The following CDK6 variants were observed in gnomAD, a reference collection of about 807,000 sequenced individuals.
CDK6 encodes the protein cyclin dependent kinase 6.
Under a neutral mutation model 37.1 loss-of-function variants are expected in CDK6, and 6 were observed. That is an observed-to-expected ratio of 0.16 (90% confidence interval 0.09 to 0.32). The LOEUF (loss-of-function observed/expected upper bound fraction) is 0.32. CDK6 is among the 10% of genes least tolerant of loss of function. CDK6 has a pLI of 1.00. For missense variants in CDK6, 224 were observed against 418.9 expected, an observed-to-expected ratio of 0.53 and a Z score of 4.06; for synonymous variants, 160 against 161.3, an observed-to-expected ratio of 0.99 and a Z score of 0.06.
In CDK6 at chr7:92,835,578, G is replaced by T. The variant is rs1801640740; in HGVS notation, c.-368+900C>A. ...TGCTTCAACATTTCCGCATTCCTCC[G>T]CGACTACAAAGGCTGCAGCCGCCTC... is the stretch of plus-strand genomic sequence containing the variant. On this transcript the variant is annotated intron_variant, in intron 1 of 7. Coordinates refer to ENST00000424848, the MANE Select transcript of CDK6 (RefSeq NM_001145306.2). The surrounding 1 kb of genome is among the most constrained non-coding windows in gnomAD (Gnocchi z 4.2). Among the ~76,000 whole-genome samples, 2 of 152,094 alleles carry T rather than the reference G, an allele frequency of 1.3e-5. No individual in the cohort carries two copies. Among genetic ancestry groups the T allele is most frequent in the Non-Finnish European group, 1.5e-5 (1 of 68,026 alleles).
rs1801577638 is a variant in CDK6 at position 92,834,056 on chromosome 7, C to T, written c.-367-366G>A. 2 of 395,260 alleles carry T rather than the reference C, an allele frequency of 5.1e-6. No individual in the cohort carries two copies. The highest frequency in any genetic ancestry group is 8.9e-6 in the Non-Finnish European group (2 of 224,486). The allele number at this position is 395,260 out of a possible 1,614,324, so 24.5% of individuals were successfully genotyped here. The stretch of plus-strand genomic sequence containing the variant: ...TCAATGTCACGGCTTAATATTTATC[C>T]CTATATCATTGTGTTGCGCCGCTAC... On this transcript the variant is annotated intron_variant, in intron 1 of 7. Transcript: ENST00000424848. The surrounding 1 kb of genome is among the most constrained non-coding windows in gnomAD (Gnocchi z 4.6).
At chr7:92,622,898 C>T (rs979736659) in intron 6 of CDK6, 138 bp downstream of exon 6, 4 of 613,632 alleles carry the variant, frequency 6.5e-6, no homozygotes, top group Non-Finnish European at 8.8e-6. Flanking sequence ...ACTCACCACA[C>T]AAATAGTAAC....
chr7:92,768,725 A>G (rs1298908471), intron 3 of CDK6, among the ~76,000 whole-genome samples: 1 of 152,190 alleles, frequency 6.6e-6, no homozygotes, highest in Non-Finnish European at 1.5e-5. Flanking sequence ...AAATGTGATA[A>G]ACAGAGTATG....
chr7:92,624,610 A>G (rs988015065), intron 5 of CDK6, among the ~76,000 whole-genome samples: 4 of 152,172 alleles, frequency 2.6e-5, no homozygotes, highest in African/African-American at 7.2e-5. Flanking sequence ...AGCCACCTGC[A>G]TATCACTAAT....
intron 4 of CDK6, among the ~76,000 whole-genome samples, chr7:92,712,477 A>T (rs972233815): frequency 1.3e-5 from 2 of 152,222 alleles, no homozygotes; most frequent in African/African-American, 4.8e-5. Context: ...ACAGGAGTAC[A>T]AAAATTACAA....
chr7:92,728,629 C>T (rs1462850238), intron 3 of CDK6, among the ~76,000 whole-genome samples: 1 of 152,130 alleles, frequency 6.6e-6, no homozygotes, highest in African/African-American at 2.4e-5. Flanking sequence ...TTGTTAATAT[C>T]ATACCAAAGC....
chr7:92,689,755 T>C lies in CDK6; in HGVS notation c.538-18220A>G, dbSNP rs1463438071. Among the ~76,000 whole-genome samples, 4 of 152,312 alleles carry C rather than the reference T, an allele frequency of 2.6e-5. No individual in the cohort carries two copies. In the East Asian group the frequency reaches 7.7e-4, roughly 29 times the overall value. On this transcript the variant is annotated intron_variant, in intron 4 of 7. Coordinates refer to ENST00000424848, the MANE Select transcript of CDK6 (RefSeq NM_001145306.2). Reference sequence around the variant, plus strand: ...AACTAATTTACACTCCCACCAACAATGTATAAGCATTCCTTTTTCTCCACA... The same window carrying C: ...AACTAATTTACACTCCCACCAACAACGTATAAGCATTCCTTTTTCTCCACA...
chr7:92,668,355 C>T (rs774107265), intron 5 of CDK6, among the ~76,000 whole-genome samples: 119 of 152,174 alleles, frequency 7.8e-4, no homozygotes, highest in African/African-American at 2.5e-3. Flanking sequence ...ATAACCCTGT[C>T]GTTAAGCAAC....
intron 2 of CDK6, among the ~76,000 whole-genome samples, chr7:92,802,755 T>C (rs963792356): frequency 6.6e-6 from 1 of 152,222 alleles, no homozygotes; most frequent in Non-Finnish European, 1.5e-5. Context: ...CACTCAATGC[T>C]GTAAATTAGG....
intron 4 of CDK6, among the ~76,000 whole-genome samples, chr7:92,692,710 G>T (rs1188963789): frequency 6.6e-6 from 1 of 151,930 alleles, no homozygotes; most frequent in East Asian, 1.9e-4. Context: ...ACCTGAGCCT[G>T]TGAAGTCGAG....
chr7:92,633,040 C>G (rs939221606), intron 5 of CDK6, among the ~76,000 whole-genome samples: 2 of 143,948 alleles, frequency 1.4e-5, no homozygotes, highest in African/African-American at 2.6e-5. Context: ...TACAGGGTGA[C>G]AAGAAAGTGC....
At chr7:92,698,451 T>C (rs3731321) in intron 4 of CDK6, among the ~76,000 whole-genome samples, 16,123 of 152,106 alleles carry the variant, frequency 0.11, 1,274 homozygotes, top group Non-Finnish European at 0.16. Flanking sequence ...TGCTTTTTTT[T>C]CCCCCAGTAC....
chr7:92,677,310 C>T (rs1448311220), intron 4 of CDK6, among the ~76,000 whole-genome samples: 1 of 152,152 alleles, frequency 6.6e-6, no homozygotes, highest in African/African-American at 2.4e-5. Flanking sequence ...TGACCTGGGC[C>T]TACATTTAAA....
At chr7:92,671,605 G>C (rs1797072890) in intron 4 of CDK6, 70 bp from the exon 5 acceptor site, 2 of 774,472 alleles carry the variant, frequency 2.6e-6, no homozygotes, top group Non-Finnish European at 4.1e-6. Context: ...ACTAAACCTG[G>C]TGGTTTAATG....
At chr7:92,832,926 G>A (rs1801529030) in intron 2 of CDK6, among the ~76,000 whole-genome samples, 165 bp downstream of exon 2, 1 of 152,094 alleles carries the variant, frequency 6.6e-6, no homozygotes, top group Non-Finnish European at 1.5e-5. Flanking sequence ...TCTGGCTCGC[G>A]GCTCTGTCGA....
intron 3 of CDK6, among the ~76,000 whole-genome samples, chr7:92,767,699 TA>T (rs1799616445): frequency 6.6e-6 from 1 of 152,108 alleles, no homozygotes; most frequent in Non-Finnish European, 1.5e-5. Context: ...AATTTTTGCT[TA>T]GCAGTATAGT....
intron 4 of CDK6, among the ~76,000 whole-genome samples, chr7:92,708,166 G>A (rs1798008414): frequency 6.6e-6 from 1 of 152,124 alleles, no homozygotes; most frequent in African/African-American, 2.4e-5. Flanking sequence ...TTGATTATCT[G>A]ACTTTTGAAA....
At chr7:92,758,564 C>G (rs899593187) in intron 3 of CDK6, among the ~76,000 whole-genome samples, 3 of 152,094 alleles carry the variant, frequency 2.0e-5, no homozygotes, top group African/African-American at 7.2e-5. Context: ...AGTTCGGTAG[C>G]ATGATGCCTC....
intron 3 of CDK6, among the ~76,000 whole-genome samples, chr7:92,751,048 C>A (rs1247881292): frequency 6.6e-6 from 1 of 151,920 alleles, no homozygotes; most frequent in Non-Finnish European, 1.5e-5. Flanking sequence ...TATTTTTTTA[C>A]AAAGGAAATA....
Sources: allele counts gnomAD v4.1 joint callset (sites outside exome capture counted in the v4.1 genomes callset), GRCh38; gene constraint gnomAD v4.1.1; non-coding constraint Gnocchi (gnomAD v3.1); transcripts MANE v1.5; gene names NCBI Gene and HGNC (gene_info 2026-07-23, HGNC 2026-07-21).